The following LAMA2 variants were observed in gnomAD, a reference collection of about 807,000 sequenced individuals.
The protein encoded by LAMA2 is laminin subunit alpha-2.
Under a neutral mutation model 364.8 loss-of-function variants are expected in LAMA2, and 269 were observed. The observed-to-expected ratio is 0.74, with a 90% CI of 0.67 to 0.82. LAMA2 has a LOEUF of 0.82. LAMA2 is among the 40% of genes least tolerant of loss of function. LAMA2 has a pLI of 0.00. For synonymous variants in LAMA2, 1,379 were observed against 1,370.6 expected (o/e 1.01, Z -0.14); for missense variants, 3,807 against 3,873.2 (o/e 0.98, Z 0.45).
At position 129,288,059 on chromosome 6, in the gene LAMA2, G is replaced by GT. The variant is rs759144210; in HGVS notation, c.2749+2dup. On this transcript the variant is annotated splice_donor_variant, in intron 19 of 64. Transcript: ENST00000421865. LOFTEE classifies it high-confidence loss of function. ...GCAGTTGATGCGAAGAACTGTCAGC[G>GT]TAAGTCCTGAACTATTGATGCCCCT... 4.3e-6 allele frequency: 7 copies of GT among 1,612,684 alleles called. No homozygotes were observed. The highest frequency in any genetic ancestry group is 4.0e-5 in the African/African-American group (3 of 74,884).
At chr6:129,359,394 C>G (rs895701035) in intron 32 of LAMA2, among the ~76,000 whole-genome samples, 4 of 151,458 alleles carry the variant, frequency 2.6e-5, no homozygotes, top group African/African-American at 9.7e-5. Context: ...CAGCTGAGGT[C>G]TACAGCTTTC....
chr6:129,363,884 C>G (rs1337447313), intron 32 of LAMA2, among the ~76,000 whole-genome samples: 1 of 152,204 alleles, frequency 6.6e-6, no homozygotes, highest in Non-Finnish European at 1.5e-5. Context: ...TTAATGTGGA[C>G]AAGTCTGTTG....
At chr6:129,476,539 G>T (rs947473112) in intron 53 of LAMA2, among the ~76,000 whole-genome samples, 10 of 152,096 alleles carry the variant, frequency 6.6e-5, no homozygotes, top group African/African-American at 2.4e-4. Flanking sequence ...TTTATCCCCT[G>T]TAATTGTCCT....
Position 129,315,803 on chromosome 6 carries a change from C to G in LAMA2, c.3777C>G (p.Phe1259Leu), listed in dbSNP as rs774723745. 1.2e-6 allele frequency: 2 copies of G among 1,613,922 alleles called. No homozygotes were observed. The highest frequency in any genetic ancestry group is 1.7e-6 in the Non-Finnish European group (2 of 1,180,010). The change falls in exon 26 of 65, where the codon TTC (phenylalanine) becomes TTG (leucine). Residue 1259 changes from phenylalanine (F) to leucine (L), a missense_variant. Phe to Leu is a conservative substitution (Grantham distance 22). Coordinates refer to ENST00000421865, the MANE Select transcript of LAMA2 (RefSeq NM_000426.4). ...YGGKLKYAIY[F>L]EAREETGFST... ...GCAAACTCAAGTATGCAATCTATTT[C>G]GAGGCTCGGGAAGAAACAGGTTTCT...
At chr6:129,194,337 A>G (rs1781713706) in intron 12 of LAMA2, among the ~76,000 whole-genome samples, 1 of 152,180 alleles carries the variant, frequency 6.6e-6, no homozygotes, top group Non-Finnish European at 1.5e-5. Flanking sequence ...ATTCTTTACC[A>G]GATTTTCCAT....
intron 3 of LAMA2, among the ~76,000 whole-genome samples, chr6:129,081,772 A>G (rs1057114536): frequency 1.3e-5 from 2 of 152,212 alleles, no homozygotes; most frequent in Non-Finnish European, 2.9e-5. Context: ...CCAACAGAGG[A>G]TTTAAAGTTC....
chr6:129,456,426 G>A lies in LAMA2; in HGVS notation c.6799G>A (p.Gly2267Arg), dbSNP rs778379496. The A allele has an allele frequency of 6.2e-7, 1 of 1,613,620 alleles. No homozygotes were observed. The highest frequency in any genetic ancestry group is 8.5e-7 in the Non-Finnish European group (1 of 1,179,638). ...CACACACCATTCGACGTCTCCTCCAGGGTACACGATTCTAGATGTGGATGC... is the reference window on the plus strand; with the variant it reads ...CACACACCATTCGACGTCTCCTCCAAGGTACACGATTCTAGATGTGGATGC... ...PSTHHSTSPP[G>R]YTILDVDANA... is the part of the protein sequence containing the mutation. Residue 2267 changes from glycine to arginine, a missense_variant, in exon 48 of 65, where the codon GGG (glycine) becomes AGG (arginine). Physicochemically the swap from Gly to Arg is moderately radical, Grantham distance 125 (BLOSUM62 -2). Coordinates refer to ENST00000421865, the MANE Select transcript of LAMA2 (RefSeq NM_000426.4).
intron 1 of LAMA2, among the ~76,000 whole-genome samples, chr6:128,984,828 C>G (rs1206413101): frequency 6.6e-6 from 1 of 152,042 alleles, no homozygotes; most frequent in Non-Finnish European, 1.5e-5. Context: ...GTTTTCTTTA[C>G]AAAACAACAT....
chr6:129,006,118 A>C (rs1784431240), intron 1 of LAMA2, among the ~76,000 whole-genome samples: 1 of 152,118 alleles, frequency 6.6e-6, no homozygotes, highest in African/African-American at 2.4e-5. Context: ...ATAAAGATTC[A>C]ATCAGTATAC....
intron 34 of LAMA2, among the ~76,000 whole-genome samples, chr6:129,373,836 A>G (rs1022960389): frequency 1.3e-5 from 2 of 152,216 alleles, no homozygotes; most frequent in South Asian, 2.1e-4. Flanking sequence ...TCAAGAACCC[A>G]TGTGACCAAT....
chr6:129,187,535 G>A (rs1054532840), intron 10 of LAMA2, among the ~76,000 whole-genome samples: 2 of 151,722 alleles, frequency 1.3e-5, no homozygotes, highest in Non-Finnish European at 3.0e-5. Context: ...AACCGCTAAT[G>A]ACTTACCAAT....
chr6:129,310,527 T>C (rs1364084064), intron 22 of LAMA2, among the ~76,000 whole-genome samples: 4 of 152,112 alleles, frequency 2.6e-5, no homozygotes, highest in Non-Finnish European at 4.4e-5. Context: ...GCATACACCA[T>C]ATGGTGGCAA....
intron 12 of LAMA2, among the ~76,000 whole-genome samples, chr6:129,199,923 A>T (rs1782081147): frequency 6.6e-6 from 1 of 151,862 alleles, no homozygotes; most frequent in African/African-American, 2.4e-5. Flanking sequence ...TACTAAAAAT[A>T]CAAAAATTAG....
At chr6:129,359,764 A>G (rs573697394) in intron 32 of LAMA2, among the ~76,000 whole-genome samples, 1 of 152,240 alleles carries the variant, frequency 6.6e-6, no homozygotes, top group Non-Finnish European at 1.5e-5. Flanking sequence ...CGCCCTTTCA[A>G]AAATACTCAG....
chr6:129,506,292 G>A (rs1393897446), intron 61 of LAMA2, among the ~76,000 whole-genome samples: 1 of 152,104 alleles, frequency 6.6e-6, no homozygotes, highest in Non-Finnish European at 1.5e-5. Context: ...GTCAGAGGTT[G>A]CAGTGAGCTG....
At chr6:128,977,628 C>T (rs1782615856) in intron 1 of LAMA2, among the ~76,000 whole-genome samples, 1 of 152,094 alleles carries the variant, frequency 6.6e-6, no homozygotes, top group Non-Finnish European at 1.5e-5. Context: ...TGATTCATTA[C>T]CTTCAACAGT....
intron 4 of LAMA2, among the ~76,000 whole-genome samples, chr6:129,133,854 A>T (rs1777633683): frequency 6.6e-6 from 1 of 152,084 alleles, no homozygotes; most frequent in Admixed American, 6.5e-5. Context: ...ACACACACAC[A>T]CAGAGACAAT....
chr6:129,297,769 G>A lies in LAMA2; in HGVS notation c.2941G>A (p.Glu981Lys), dbSNP rs1157487443. ...TGGGTCTAAGTCATTCGACTGTGAA[G>A]AGAGTGGACAATGTTGGTGCCAACC... ...SFGSKSFDCE[E>K]SGQCWCQPGV... The change falls in exon 21 of 65, where the codon GAG becomes AAG. Residue 981 changes from glutamate to lysine, a missense_variant. Glu to Lys is a moderately conservative substitution (Grantham distance 56). This residue lies in a region of LAMA2 where 3,333 missense variants were observed against 3,345.7 expected (regional missense o/e 1.00). Transcript: ENST00000421865. The A allele has an allele frequency of 3.1e-6, 5 of 1,614,022 alleles. No individual in the cohort carries two copies. In the Admixed American group the frequency reaches 8.3e-5, roughly 27 times the overall value.
intron 43 of LAMA2, 187 bp from the exon 44 acceptor site, chr6:129,442,876 C>G (rs1782187806): frequency 1.8e-6 from 1 of 568,442 alleles, no homozygotes; most frequent in Non-Finnish European, 3.1e-6. Flanking sequence ...ATAGTGGCCA[C>G]TAAATTATAT....
Sources: gnomAD v4.1 joint callset for allele counts (sites outside exome capture counted in the v4.1 genomes callset) on GRCh38, gnomAD v4.1.1 for gene constraint, gnomAD v4.1.1 regional missense constraint, MANE v1.5 for transcripts, NCBI Gene and HGNC (gene_info 2026-07-23, HGNC 2026-07-21) for gene names.